Variants in ADAMTS6 observed in about 807,000 individuals in gnomAD.
ADAMTS6 encodes the protein ADAM metallopeptidase with thrombospondin type 1 motif 6.
In ADAMTS6, 23 loss-of-function variants were observed where a neutral mutation model predicts 144.3. The ratio of observed to expected loss-of-function variants is 0.16; its 90% CI spans 0.11 to 0.23. The LOEUF is 0.23. Ranked by LOEUF, ADAMTS6 falls within the 10% of genes least tolerant of loss-of-function variation. The pLI is 1.00. For synonymous variants in ADAMTS6, 444 were observed against 457.5 expected, an observed-to-expected ratio of 0.97 and a Z score of 0.38; for missense variants, 999 against 1,379.6, an observed-to-expected ratio of 0.72 and a Z score of 4.37.
chr5:65,282,738 T>A (rs1763080536), intron 11 of ADAMTS6, among the ~76,000 whole-genome samples: 1 of 152,022 alleles, frequency 6.6e-6, no homozygotes, highest in Non-Finnish European at 1.5e-5. Context: ...TCTGTTTTAA[T>A]GATAATGTTG....
At chr5:65,263,642 C>A (rs1449752036) in intron 12 of ADAMTS6, among the ~76,000 whole-genome samples, 1 of 152,150 alleles carries the variant, frequency 6.6e-6, no homozygotes, top group African/African-American at 2.4e-5. Context: ...ACACATACTG[C>A]ACCTAAGTAG....
At chr5:65,296,748 C>T (rs777269653) in intron 10 of ADAMTS6, among the ~76,000 whole-genome samples, 2 of 152,180 alleles carry the variant, frequency 1.3e-5, no homozygotes, top group African/African-American at 2.4e-5. Flanking sequence ...TCTCTTAATA[C>T]GTTCAGCTTC....
chr5:65,404,183 A>C (rs1754208248), intron 7 of ADAMTS6, among the ~76,000 whole-genome samples: 1 of 152,192 alleles, frequency 6.6e-6, no homozygotes, highest in East Asian at 1.9e-4. Context: ...TCTAGGGTAC[A>C]TGTGCACAAC....
chr5:65,198,325 C>CT (rs35433130), intron 20 of ADAMTS6, among the ~76,000 whole-genome samples: 25,051 of 149,340 alleles, frequency 0.17, 2,198 homozygotes, highest in African/African-American at 0.22. Flanking sequence ...AGTTGTTTTT[C>CT]TTTTTTTTTT....
chr5:65,353,465 G>A (rs1749043973), intron 7 of ADAMTS6, among the ~76,000 whole-genome samples: 1 of 151,832 alleles, frequency 6.6e-6, no homozygotes, highest in Admixed American at 6.6e-5. Context: ...TTTTACTTTT[G>A]GAAGAGAGGA....
chr5:65,246,528 G>A (rs1324566926), intron 14 of ADAMTS6, among the ~76,000 whole-genome samples: 10 of 152,138 alleles, frequency 6.6e-5, no homozygotes, highest in African/African-American at 2.4e-4. Context: ...AGTGAGGTGG[G>A]AGGGAAGTTT....
At chr5:65,265,910 A>G (rs577307093) in intron 12 of ADAMTS6, among the ~76,000 whole-genome samples, 2 of 152,118 alleles carry the variant, frequency 1.3e-5, no homozygotes, top group East Asian at 3.9e-4. Context: ...TTGGAGGTGT[A>G]TGATTATGTA....
chr5:65,393,996 T>C (rs1753128856), intron 7 of ADAMTS6, among the ~76,000 whole-genome samples: 3 of 152,220 alleles, frequency 2.0e-5, no homozygotes, highest in Admixed American at 2.0e-4. Context: ...AAAAGCTATA[T>C]ATGAAGTGAC....
chr5:65,243,406 A>G (rs985629795), intron 14 of ADAMTS6, among the ~76,000 whole-genome samples: 1 of 152,142 alleles, frequency 6.6e-6, no homozygotes, highest in African/African-American at 2.4e-5. Context: ...TTCGTATATA[A>G]TACGGTTCAA....
At chr5:65,318,141 T>C (rs919296021) in intron 9 of ADAMTS6, among the ~76,000 whole-genome samples, 1 of 150,588 alleles carries the variant, frequency 6.6e-6, no homozygotes, top group African/African-American at 2.4e-5. Flanking sequence ...TTCAATATAA[T>C]TGATCATCAG....
At chr5:65,294,849 G>T (rs1270563915) in intron 10 of ADAMTS6, among the ~76,000 whole-genome samples, 1 of 150,812 alleles carries the variant, frequency 6.6e-6, no homozygotes, top group Non-Finnish European at 1.5e-5. Flanking sequence ...ACCCCCAAAG[G>T]TAACTACTAT....
chr5:65,190,124 C>G (rs1458401577), intron 21 of ADAMTS6, among the ~76,000 whole-genome samples: 1 of 152,136 alleles, frequency 6.6e-6, no homozygotes, highest in African/African-American at 2.4e-5. Flanking sequence ...ATTGTCTTTA[C>G]TTATAAAGAA....
At chr5:65,328,547 TC>T (rs1746400030) in intron 9 of ADAMTS6, among the ~76,000 whole-genome samples, 1 of 150,400 alleles carries the variant, frequency 6.6e-6, no homozygotes, top group Non-Finnish European at 1.5e-5. Flanking sequence ...AAAAAAAAAA[TC>T]CTGTTAGTAA....
chr5:65,151,728 A>G lies in ADAMTS6; in HGVS notation c.*108T>C. On this transcript the variant is annotated 3_prime_UTR_variant, in exon 25 of 25. Transcript: ENST00000381055. Reference sequence around the variant, plus strand: ...GCTGACCAGTGGTTACGTTTTCCACAGGGTAATGCATTTGCAAGGACATCA... The same window carrying G: ...GCTGACCAGTGGTTACGTTTTCCACGGGGTAATGCATTTGCAAGGACATCA... The G allele has an allele frequency of 1.1e-6, 1 of 922,126 alleles. No homozygotes were observed. The highest frequency in any genetic ancestry group is 1.6e-5 in the African/African-American group (1 of 60,632). 57.1% of individuals were successfully genotyped at this position (922,126 alleles called of 1,614,324 possible).
At chr5:65,156,352 AC>A (rs1249999600) in intron 24 of ADAMTS6, among the ~76,000 whole-genome samples, 1 of 152,074 alleles carries the variant, frequency 6.6e-6, no homozygotes, top group East Asian at 1.9e-4. Flanking sequence ...AACCAAAAAA[AC>A]AAAAACAAAA....
intron 9 of ADAMTS6, among the ~76,000 whole-genome samples, chr5:65,301,766 AT>A (rs1480131256): frequency 6.6e-6 from 1 of 152,140 alleles, no homozygotes. Context: ...TAAGTACAAT[AT>A]AAAAAGAGCT....
chr5:65,467,900 T>C (rs1374156274), intron 3 of ADAMTS6, among the ~76,000 whole-genome samples: 1 of 152,128 alleles, frequency 6.6e-6, no homozygotes, highest in Non-Finnish European at 1.5e-5. Flanking sequence ...GCCCAATAAA[T>C]TAATTAAATG....
At chr5:65,333,895 A>C in intron 8 of ADAMTS6, 147 bp downstream of exon 8, 1 of 883,754 alleles carries the variant, frequency 1.1e-6, no homozygotes, top group Non-Finnish European at 1.5e-6. Context: ...TGGGTGTAAC[A>C]GGTTTTAGGA....
At chr5:65,196,029 A>G (rs1246724748) in intron 21 of ADAMTS6, among the ~76,000 whole-genome samples, 2 of 152,276 alleles carry the variant, frequency 1.3e-5, no homozygotes, top group Non-Finnish European at 2.9e-5. Flanking sequence ...CTCATTTAAA[A>G]CCATCATTAA....
Sources: gnomAD v4.1 joint callset for allele counts (sites outside exome capture counted in the v4.1 genomes callset) on GRCh38, gnomAD v4.1.1 for gene constraint, MANE v1.5 for transcripts, NCBI Gene and HGNC (gene_info 2026-07-23, HGNC 2026-07-21) for gene names.